Variants in XXYLT1 observed in about 807,000 individuals in gnomAD.
The protein encoded by XXYLT1 is xyloside xylosyltransferase 1, also known as UDP-xylose:alpha-xyloside alpha-1,3-xylosyltransferase.
Under a neutral mutation model 28.9 loss-of-function variants are expected in XXYLT1, and 20 were observed. The ratio of observed to expected loss-of-function variants is 0.69; its 90% confidence interval spans 0.49 to 1.00. The LOEUF is 1.00. XXYLT1 is among the 50% of genes least tolerant of loss of function. XXYLT1 has a pLI of 0.00. For missense variants in XXYLT1, 542 were observed against 560.1 expected (o/e 0.97, Z 0.33); for synonymous variants, 257 against 253.8 (o/e 1.01, Z -0.12).
At chr3:195,161,736 G>A (rs1350321341) in intron 2 of XXYLT1, among the ~76,000 whole-genome samples, 1 of 150,746 alleles carries the variant, frequency 6.6e-6, no homozygotes, top group Non-Finnish European at 1.5e-5. Context: ...CCGGGTTCAA[G>A]CAATTCTCCT....
rs1725841448 is a variant in XXYLT1, at chr3:195,266,108, C to G, written c.504+4447G>C. Among the ~76,000 whole-genome samples the G allele has an allele frequency of 2.0e-5, 3 of 152,268 alleles. No individual in the cohort carries two copies. The South Asian group carries it at 6.2e-4, about 32-fold the overall frequency. ...AGCGCCATGAGAAGAATTCAGGAAGCTCAGCCACTGCTGTGGGTCTAGGAC... is the reference window on the plus strand; with the variant it reads ...AGCGCCATGAGAAGAATTCAGGAAGGTCAGCCACTGCTGTGGGTCTAGGAC... On this transcript the variant is annotated intron_variant, in intron 1 of 3. Coordinates refer to ENST00000310380, the MANE Select transcript of XXYLT1 (RefSeq NM_152531.5).
At chr3:195,177,823 T>A (rs1417006310) in intron 2 of XXYLT1, among the ~76,000 whole-genome samples, 2 of 151,862 alleles carry the variant, frequency 1.3e-5, no homozygotes, top group Non-Finnish European at 2.9e-5. Context: ...TAGTCCCAGC[T>A]ACTCAGGAGG....
In XXYLT1 at chr3:195,070,052, G is replaced by T; in HGVS notation, c.845C>A (p.Pro282His). The T allele has an allele frequency of 6.3e-7, 1 of 1,598,108 alleles. No homozygotes were observed. Among genetic ancestry groups the T allele is most frequent in the Non-Finnish European group, 8.5e-7 (1 of 1,178,580 alleles). ...GCTGTTGAAGCCCGGCAGCCCCTCGGGGGGCGGGCCCCCAACCCGGGTCTG... is the reference window on the plus strand; with the variant it reads ...GCTGTTGAAGCCCGGCAGCCCCTCGTGGGGCGGGCCCCCAACCCGGGTCTG... ...NPQTRVGGPP[P>H]EGLPGFNSGV... Residue 282 changes from proline (P) to histidine (H), a missense_variant, in exon 4 of 4, where the codon CCC becomes CAC. Physicochemically the swap from Pro to His is moderately conservative, Grantham distance 77. Coordinates refer to ENST00000310380, the MANE Select transcript of XXYLT1 (RefSeq NM_152531.5).
chr3:195,250,130 C>T (rs920169701), intron 1 of XXYLT1, among the ~76,000 whole-genome samples: 23 of 152,200 alleles, frequency 1.5e-4, no homozygotes, highest in African/African-American at 5.5e-4. Context: ...GGCCACACTG[C>T]ACTGAGCCTC....
Position 195,240,856 on chromosome 3 carries a change from G to A in XXYLT1, c.505-14000C>T, listed in dbSNP as rs182597238. 2.4e-3 allele frequency among the ~76,000 whole-genome samples: 367 copies of A among 152,366 alleles called. 2 individuals carry two copies. Among genetic ancestry groups the A allele is most frequent in the African/African-American group, 7.3e-3 (303 of 41,596 alleles). ...CAGGAGGATCGCTTGAACCTGGGAGGCGGAGGTTGCAGTGAGCTGAGATTG... is the reference window on the plus strand; with the variant it reads ...CAGGAGGATCGCTTGAACCTGGGAGACGGAGGTTGCAGTGAGCTGAGATTG... On this transcript the variant is annotated intron_variant, in intron 1 of 3. Coordinates refer to ENST00000310380, the MANE Select transcript of XXYLT1 (RefSeq NM_152531.5). The surrounding 1 kb of genome is among the most constrained non-coding windows in gnomAD (Gnocchi z 4.7).
intron 2 of XXYLT1, among the ~76,000 whole-genome samples, chr3:195,165,962 A>T (rs1278618772): frequency 1.3e-5 from 2 of 152,066 alleles, no homozygotes; most frequent in African/African-American, 4.8e-5. Flanking sequence ...TGACAGGTGA[A>T]GTTTCATTGC....
At chr3:195,228,190 C>G (rs913142945) in intron 1 of XXYLT1, among the ~76,000 whole-genome samples, 1 of 152,202 alleles carries the variant, frequency 6.6e-6, no homozygotes, top group Non-Finnish European at 1.5e-5. Flanking sequence ...ACCTCATCAA[C>G]TCCGAAGAGC....
At position 195,256,681 on chromosome 3, in the gene XXYLT1, C is replaced by T. The variant is rs1725491206; in HGVS notation, c.504+13874G>A. 1.5e-6 allele frequency: 1 copy of T among 649,240 alleles called. No individual in the cohort carries two copies. The highest frequency in any genetic ancestry group is 6.3e-5 in the Admixed American group (1 of 15,844). 40.2% of individuals were successfully genotyped at this position (649,240 alleles called of 1,614,324 possible). A position where few individuals can be genotyped will look rare whatever the true frequency, so the allele number is the denominator to read the frequency against. On this transcript the variant is annotated intron_variant, in intron 1 of 3. Coordinates refer to ENST00000310380, the MANE Select transcript of XXYLT1 (RefSeq NM_152531.5). The surrounding 1 kb of genome is among the most constrained non-coding windows in gnomAD (Gnocchi z 4.2). ...GACTGTTACTCAGAGCCGGAGCGTCCCCACTCCTCTTATGATGAGAAACTG... is the reference window on the plus strand; with the variant it reads ...GACTGTTACTCAGAGCCGGAGCGTCTCCACTCCTCTTATGATGAGAAACTG...
rs1715131823 is a variant in XXYLT1, at chr3:195,076,570, T to TC, written c.786-6460dup. Among the ~76,000 whole-genome samples the TC allele has an allele frequency of 6.6e-6, 1 of 152,170 alleles. No individual in the cohort carries two copies. The highest frequency in any genetic ancestry group is 1.5e-5 in the Non-Finnish European group (1 of 68,026). ...CTCTGTTAGTTCGCTAGGGCTGCCA[T>TC]CGCAAAGTACCACCAATGGGGCGGC... is the stretch of plus-strand genomic sequence containing the variant. On this transcript the variant is annotated intron_variant, in intron 3 of 3. Coordinates refer to ENST00000310380, the MANE Select transcript of XXYLT1 (RefSeq NM_152531.5). The surrounding 1 kb of genome is among the most constrained non-coding windows in gnomAD (Gnocchi z 5.3).
At chr3:195,100,818 TG>T (rs1282332481) in intron 3 of XXYLT1, among the ~76,000 whole-genome samples, 1 of 152,266 alleles carries the variant, frequency 6.6e-6, no homozygotes, top group African/African-American at 2.4e-5. Flanking sequence ...CATCCCTTTC[TG>T]TCCTATTAAA....
At chr3:195,154,949 A>C (rs1720479749) in intron 3 of XXYLT1, among the ~76,000 whole-genome samples, 1 of 152,170 alleles carries the variant, frequency 6.6e-6, no homozygotes, top group Admixed American at 6.5e-5. Flanking sequence ...ACCCCAGCAG[A>C]TCTTCCTGGT....
chr3:195,180,544 G>T lies in XXYLT1; in HGVS notation c.653-23963C>A. On this transcript the variant is annotated intron_variant, in intron 2 of 3. Coordinates refer to ENST00000310380, the MANE Select transcript of XXYLT1 (RefSeq NM_152531.5). The surrounding 1 kb of genome is among the most constrained non-coding windows in gnomAD (Gnocchi z 5.8). ...GAAAAGAAGCAAACAAACAGATAAG[G>T]GTCAGCATCTGAGGCCAGACCCTAA... The T allele has an allele frequency of 1.0e-6, 1 of 985,444 alleles. No homozygotes were observed. Among genetic ancestry groups the T allele is most frequent in the Non-Finnish European group, 1.2e-6 (1 of 829,972 alleles). The allele number at this position is 985,444 out of a possible 1,614,324, so 61.0% of individuals were successfully genotyped here.
Position 195,115,085 on chromosome 3 carries a change from T to C in XXYLT1, c.785+41364A>G, listed in dbSNP as rs1201839509. ...CGTTGATCCTCCTCCTATTGAGAGG[T>C]TGGAACGAGGGAAACTAAGCTTCCC... On this transcript the variant is annotated intron_variant, in intron 3 of 3. Transcript: ENST00000310380. This position sits in a 1 kb window ranked among gnomAD's most constrained non-coding sequence, Gnocchi z 4.2. Among the ~76,000 whole-genome samples, 1 of 152,064 alleles carries C rather than the reference T, an allele frequency of 6.6e-6. No homozygotes were observed. Among genetic ancestry groups the C allele is most frequent in the East Asian group, 1.9e-4 (1 of 5,196 alleles).
At chr3:195,085,155 C>T (rs1348515551) in intron 3 of XXYLT1, among the ~76,000 whole-genome samples, 2 of 152,174 alleles carry the variant, frequency 1.3e-5, no homozygotes, top group African/African-American at 2.4e-5. Flanking sequence ...AAATGATTGC[C>T]ATATGAAAGT....
intron 3 of XXYLT1, among the ~76,000 whole-genome samples, chr3:195,122,535 A>G (rs1156687560): frequency 6.6e-6 from 1 of 152,096 alleles, no homozygotes. Flanking sequence ...TCCAGCTGGA[A>G]AGTACCCCAT....
In XXYLT1 at chr3:195,253,977, G is replaced by A. The variant is rs1178947386; in HGVS notation, c.504+16578C>T. 6.6e-5 allele frequency among the ~76,000 whole-genome samples: 10 copies of A among 152,200 alleles called. 1 individual carries two copies. The highest frequency in any genetic ancestry group is 6.5e-4 in the Admixed American group (10 of 15,276). On this transcript the variant is annotated intron_variant, in intron 1 of 3. Coordinates refer to ENST00000310380, the MANE Select transcript of XXYLT1 (RefSeq NM_152531.5). ...TGAGTTTTAAAGGGTAACACCAGAG[G>A]GAAACGGTGCTCTCGGACAAGTCAC...
At chr3:195,093,635 C>G (rs1231959903) in intron 3 of XXYLT1, 1 of 151,270 alleles carries the variant, frequency 6.6e-6, no homozygotes, top group African/African-American at 2.4e-5. Context: ...ACATATGTAA[C>G]TAACCTGCAC....
chr3:195,248,949 T>C (rs1043429474), intron 1 of XXYLT1, among the ~76,000 whole-genome samples: 10 of 152,138 alleles, frequency 6.6e-5, no homozygotes, highest in Non-Finnish European at 2.9e-5. Flanking sequence ...CCTGTATAAA[T>C]TACCCAGTCT....
rs1249289892 is a variant in XXYLT1 at position 195,076,175 on chromosome 3, C to T, written c.786-6064G>A. ...TGCACAGCCTGAGAGAACAGAGGTT[C>T]AGGGAAGGAAGAGGGCCTGGAGGAA... On this transcript the variant is annotated intron_variant, in intron 3 of 3. Coordinates refer to ENST00000310380, the MANE Select transcript of XXYLT1 (RefSeq NM_152531.5). This position sits in a 1 kb window ranked among gnomAD's most constrained non-coding sequence, Gnocchi z 5.3. Among the ~76,000 whole-genome samples the T allele has an allele frequency of 1.3e-5, 2 of 152,120 alleles. No homozygotes were observed. The highest frequency in any genetic ancestry group is 4.8e-5 in the African/African-American group (2 of 41,408).
Sources: allele counts gnomAD v4.1 joint callset (sites outside exome capture counted in the v4.1 genomes callset), GRCh38; gene constraint gnomAD v4.1.1; non-coding constraint Gnocchi (gnomAD v3.1); transcripts MANE v1.5; gene names NCBI Gene and HGNC (gene_info 2026-07-23, HGNC 2026-07-21).